Variants in RGL3 observed in about 807,000 individuals in gnomAD.
RGL3 encodes ral guanine nucleotide dissociation stimulator like 3.
Under a neutral mutation model 90.6 loss-of-function variants are expected in RGL3, and 85 were observed. That is an observed-to-expected ratio of 0.94 (90% CI 0.79 to 1.12). The LOEUF (loss-of-function observed/expected upper bound fraction) is 1.12, where lower values mean the gene tolerates loss of function less well. Among genes scored for constraint, RGL3 ranks in the 50% most tolerant of loss-of-function variants. The pLI is 0.00. For missense variants in RGL3, 1,034 were observed against 939.2 expected (o/e 1.10, Z -1.32); for synonymous variants, 408 against 385.5 (o/e 1.06, Z -0.68).
At position 11,397,494 on chromosome 19, in the gene RGL3, A is replaced by G. The variant is rs879183341; in HGVS notation, c.1850T>C (p.Ile617Thr). The G allele has an allele frequency of 6.2e-7, 1 of 1,613,596 alleles. No individual in the cohort carries two copies. Among genetic ancestry groups the G allele is most frequent in the South Asian group, 1.1e-5 (1 of 91,048 alleles). Residue 617 changes from isoleucine (I) to threonine (T), a missense_variant, in exon 17 of 19, where the codon ATC becomes ACC. Transcript: ENST00000380456. ...GTGGTCATTGTCGATGCTGACGCGG[A>G]TGACACGGGCCTCCGAGCTCTGCTG... is the stretch of plus-strand genomic sequence containing the variant. ...PAQQSSEARV[I>T]RVSIDNDHGN...
intron 9 of RGL3, among the ~76,000 whole-genome samples, chr19:11,403,861 T>A (rs1309743728): frequency 6.6e-6 from 1 of 151,950 alleles, no homozygotes; most frequent in Non-Finnish European, 1.5e-5. Flanking sequence ...GTATCCTGAA[T>A]TTGCTGTTGT....
chr19:11,403,236 T>C (rs1968711956), intron 9 of RGL3, among the ~76,000 whole-genome samples: 1 of 150,798 alleles, frequency 6.6e-6, no homozygotes, highest in Non-Finnish European at 1.5e-5. Flanking sequence ...AGGGTTTCAC[T>C]GTGTTAGCCA....
rs759538147 is a variant in RGL3 at position 11,405,202 on chromosome 19, G to C, written c.1130C>G (p.Ser377Trp). Residue 377 changes from serine (S) to tryptophan (W), a missense_variant, in exon 9 of 19, where the codon TCG becomes TGG. Transcript: ENST00000380456. ...REPLSTFRKL[S>W]QIFSDENNHL... is the part of the protein sequence containing the mutation. ...GTTGTTCTCATCGGAGAAAATCTGC[G>C]AAAGTTTCCTGAAAGTAGATAGCGG... The C allele has an allele frequency of 1.9e-5, 30 of 1,614,006 alleles. No homozygotes were observed. The highest frequency in any genetic ancestry group is 2.7e-5 in the African/African-American group (2 of 74,926).
At chr19:11,416,201 T>A in intron 4 of RGL3, 53 bp from the exon 5 acceptor site, 2 of 1,189,168 alleles carry the variant, frequency 1.7e-6, no homozygotes, top group Non-Finnish European at 1.1e-6. Flanking sequence ...GGACATAGAA[T>A]ATGACTCCTG....
chr19:11,417,119 C>T, intron 2 of RGL3, 60 bp from the exon 3 acceptor site: 3 of 1,215,062 alleles, frequency 2.5e-6, no homozygotes, highest in South Asian at 1.5e-5. Flanking sequence ...CACCCCTTCT[C>T]TAGTCACATT....
chr19:11,402,349 G>A, intron 11 of RGL3, 102 bp from the exon 12 acceptor site: 12 of 1,581,972 alleles, frequency 7.6e-6, no homozygotes, highest in Non-Finnish European at 1.0e-5. Flanking sequence ...AAGGGAGTGT[G>A]GGGTGGTGTC....
Position 11,419,238 on chromosome 19 carries a change from C to G in RGL3, c.33+8G>C, listed in dbSNP as rs761322671. The G allele has an allele frequency of 3.1e-6, 5 of 1,593,838 alleles. No homozygotes were observed. Among genetic ancestry groups the G allele is most frequent in the Non-Finnish European group, 4.3e-6 (5 of 1,171,338 alleles). On this transcript the variant is annotated splice_region_variant and intron_variant, in intron 1 of 18. Coordinates refer to ENST00000380456, the MANE Select transcript of RGL3 (RefSeq NM_001035223.4). ...GATGCGGGGTCCGGGGATCCCTTGTCCCCTTACCAGGGCCAGCTCTTTGCC... is the reference window on the plus strand; with the variant it reads ...GATGCGGGGTCCGGGGATCCCTTGTGCCCTTACCAGGGCCAGCTCTTTGCC...
chr19:11,402,274 A>G, intron 11 of RGL3, 27 bp from the exon 12 acceptor site: 4 of 1,611,530 alleles, frequency 2.5e-6, no homozygotes, highest in Non-Finnish European at 3.4e-6. Flanking sequence ...TCTGAATTGC[A>G]GCACCCAGGG....
intron 1 of RGL3, 130 bp from the exon 2 acceptor site, chr19:11,418,914 G>T: frequency 1.3e-6 from 1 of 757,116 alleles, no homozygotes; most frequent in East Asian, 2.9e-5. Flanking sequence ...GAAGCTGCGA[G>T]ACTAGGGCTG....
At chr19:11,407,753 C>T (rs1366336572) in intron 5 of RGL3, among the ~76,000 whole-genome samples, 1 of 149,782 alleles carries the variant, frequency 6.7e-6, no homozygotes, top group Non-Finnish European at 1.5e-5. Context: ...ATGGCGTGAT[C>T]TTGGCTCACT....
chr19:11,405,296 T>C, intron 8 of RGL3, 27 bp downstream of exon 8: 2 of 1,612,628 alleles, frequency 1.2e-6, no homozygotes, highest in South Asian at 2.2e-5. Flanking sequence ...TGGGATGGGC[T>C]GGGGAACAGG....
chr19:11,418,994 T>A lies in RGL3; in HGVS notation c.34-210A>T, dbSNP rs1969057097. On this transcript the variant is annotated intron_variant, in intron 1 of 18. Coordinates refer to ENST00000380456, the MANE Select transcript of RGL3 (RefSeq NM_001035223.4). Reference sequence around the variant, plus strand: ...AGGTCCTGAGGACATGGGGTGGCATTTGGGGATGTCCCAGGGCCCAGTCTA... The same window carrying A: ...AGGTCCTGAGGACATGGGGTGGCATATGGGGATGTCCCAGGGCCCAGTCTA... The A allele has an allele frequency of 1.3e-5, 8 of 622,152 alleles. No homozygotes were observed. The East Asian group carries it at 2.1e-4, about 16-fold the overall frequency. The allele number at this position is 622,152 out of a possible 1,614,324, so 38.5% of individuals were successfully genotyped here. A position where few individuals can be genotyped will look rare whatever the true frequency, so the allele number is the denominator to read the frequency against.
intron 5 of RGL3, among the ~76,000 whole-genome samples, chr19:11,415,579 G>C (rs151058913): frequency 1.5e-3 from 221 of 152,050 alleles, no homozygotes; most frequent in African/African-American, 5.2e-3. Context: ...GGGTTCAAAC[G>C]ATTCTCCTGC....
intron 13 of RGL3, among the ~76,000 whole-genome samples, chr19:11,400,762 G>A (rs1968661362): frequency 6.6e-6 from 1 of 151,882 alleles, no homozygotes; most frequent in African/African-American, 2.4e-5. Context: ...GGCTGAGGCA[G>A]TAGAATTGCT....
chr19:11,414,490 CATATATATATATATAT>C (rs57862666), intron 5 of RGL3, among the ~76,000 whole-genome samples: 621 of 27,858 alleles, frequency 0.022, 29 homozygotes, highest in African/African-American at 0.1. Flanking sequence ...TATACACCTT[CATATATATATATATAT>C]ATATATATAT....
intron 9 of RGL3, among the ~76,000 whole-genome samples, chr19:11,403,035 G>A (rs1968707932): frequency 6.6e-6 from 1 of 151,914 alleles, no homozygotes; most frequent in African/African-American, 2.4e-5. Context: ...TTGAACCTGA[G>A]AAGCAGAGGC....
rs75678653 is a variant in RGL3, at chr19:11,395,615, G to A, written c.2015-1095C>T. ...ACTTCTACACTCCCTTCTCTCACTC[G>A]ACCCTAGACAATCTATTTTTTCTTT... On this transcript the variant is annotated intron_variant, in intron 18 of 18. Transcript: ENST00000380456. Among the ~76,000 whole-genome samples, 933 of 151,976 alleles carry A rather than the reference G, an allele frequency of 6.1e-3. 4 individuals are homozygous for A. Among genetic ancestry groups the A allele is most frequent in the Non-Finnish European group, 0.01 (684 of 67,960 alleles).
chr19:11,414,489 TCATA>T (rs1280498342), intron 5 of RGL3, among the ~76,000 whole-genome samples: 3 of 25,340 alleles, frequency 1.2e-4, no homozygotes, highest in African/African-American at 1.8e-4. Context: ...ATATACACCT[TCATA>T]TATATATATA....
chr19:11,414,165 A>ATATATACACACACC (rs1568341499), intron 5 of RGL3, among the ~76,000 whole-genome samples: 8 of 111,232 alleles, frequency 7.2e-5, no homozygotes, highest in South Asian at 2.8e-4. Context: ...ATATATATAT[A>ATATATACACACACC]TATATATATA....
Sources: allele counts gnomAD v4.1 joint callset (sites outside exome capture counted in the v4.1 genomes callset), GRCh38; gene constraint gnomAD v4.1.1; transcripts MANE v1.5; gene names NCBI Gene and HGNC (gene_info 2026-07-23, HGNC 2026-07-21).